The following REV3L variants were observed in gnomAD, a reference collection of about 807,000 sequenced individuals.
REV3L encodes the protein REV3 like, DNA directed polymerase zeta catalytic subunit.
A neutral mutation model predicts 299.4 loss-of-function variants in REV3L; 69 were observed. That is an observed-to-expected ratio of 0.23 (90% CI 0.19 to 0.28). REV3L has a LOEUF of 0.28. Ranked by LOEUF, REV3L falls within the 10% of genes least tolerant of loss-of-function variation. The pLI is 1.00. For missense variants in REV3L, 3,128 were observed against 3,693.8 expected, an observed-to-expected ratio of 0.85 and a Z score of 3.97; for synonymous variants, 1,238 against 1,271.4, an observed-to-expected ratio of 0.97 and a Z score of 0.56.
chr6:111,435,023 G>A (rs1177904396), intron 1 of REV3L, among the ~76,000 whole-genome samples: 1 of 152,118 alleles, frequency 6.6e-6, no homozygotes, highest in Non-Finnish European at 1.5e-5. Context: ...TGGGCAACAT[G>A]GTGAAACCCT....
Position 111,375,868 on chromosome 6 carries a change from C to A in REV3L, c.2487G>T (p.Arg829=). The A allele has an allele frequency of 3.1e-6, 5 of 1,613,864 alleles. No homozygotes were observed. Among genetic ancestry groups the A allele is most frequent in the Non-Finnish European group, 4.2e-6 (5 of 1,179,870 alleles). ...CAAGTTTCCTTTTATTCAATTTTAA[C>A]CGGGATGGTTTATTGCCAGGTTGTA... ...YKLQPGNKPS[R]LKLNKRKLAG... Residue 829 remains arginine (R), a synonymous_variant, in exon 13 of 32, where the codon CGG becomes CGT. Transcript: ENST00000368802.
At chr6:111,452,894 T>C (rs149621977) in intron 1 of REV3L, among the ~76,000 whole-genome samples, 3 of 151,986 alleles carry the variant, frequency 2.0e-5, no homozygotes, top group East Asian at 3.9e-4. Context: ...TGACAGAAAA[T>C]AGCAATAGGT....
chr6:111,408,923 G>A (rs1028677539), intron 3 of REV3L, among the ~76,000 whole-genome samples: 1 of 152,084 alleles, frequency 6.6e-6, no homozygotes, highest in Non-Finnish European at 1.5e-5. Context: ...GACCTCACGT[G>A]ATCTACCCAC....
chr6:111,307,843 T>A (rs1772502323), intron 30 of REV3L: 2 of 388,648 alleles, frequency 5.1e-6, no homozygotes, highest in Non-Finnish European at 9.5e-6. Flanking sequence ...TGTGCAGGTT[T>A]GTTACATATG....
At chr6:111,449,862 G>GA (rs140900943) in intron 1 of REV3L, among the ~76,000 whole-genome samples, 16,391 of 151,986 alleles carry the variant, frequency 0.11, 1,169 homozygotes, top group Middle Eastern at 0.22. Flanking sequence ...CCATTATGAG[G>GA]AAAAAAATGT....
intron 4 of REV3L, among the ~76,000 whole-genome samples, chr6:111,399,905 T>C (rs893302639): frequency 2.0e-5 from 3 of 152,142 alleles, no homozygotes; most frequent in Non-Finnish European, 2.9e-5. Flanking sequence ...CCCCTGTACA[T>C]CCCCTTTGCA....
chr6:111,344,060 G>A lies in REV3L; in HGVS notation c.7420-17C>T, dbSNP rs759767202. On this transcript the variant is annotated splice_polypyrimidine_tract_variant and intron_variant, in intron 20 of 31. Coordinates refer to ENST00000368802, the MANE Select transcript of REV3L (RefSeq NM_001372078.1). ...TAGAGCCACCTAAAAAAAAAGGCAA[G>A]ACACCATTATAATAATGCTTACATT... 1 of 1,521,034 alleles carries A rather than the reference G, an allele frequency of 6.6e-7. No homozygotes were observed. Among genetic ancestry groups the A allele is most frequent in the South Asian group, 1.2e-5 (1 of 84,650 alleles). 94.2% of individuals were successfully genotyped at this position (1,521,034 alleles called of 1,614,324 possible).
chr6:111,301,572 G>T (rs1159225549), intron 31 of REV3L, among the ~76,000 whole-genome samples: 2 of 151,696 alleles, frequency 1.3e-5, no homozygotes, highest in Non-Finnish European at 2.9e-5. Flanking sequence ...TCTTAACCCT[G>T]GCTAACAATG....
intron 10 of REV3L, among the ~76,000 whole-genome samples, chr6:111,380,945 T>C (rs1399253779): frequency 1.3e-5 from 2 of 152,214 alleles, no homozygotes; most frequent in African/African-American, 4.8e-5. Context: ...GCTGGGACCA[T>C]GGCCCTAGCC....
At chr6:111,313,538 A>G in intron 27 of REV3L, 49 bp from the exon 28 acceptor site, 3 of 1,529,074 alleles carry the variant, frequency 2.0e-6, no homozygotes, top group Admixed American at 2.1e-5. Context: ...TCCCCCCACC[A>G]AGAATGTTTT....
At chr6:111,371,527 A>G (rs1779791156) in intron 13 of REV3L, among the ~76,000 whole-genome samples, 1 of 149,888 alleles carries the variant, frequency 6.7e-6, no homozygotes, top group South Asian at 2.1e-4. Flanking sequence ...AGTAGCTGGG[A>G]CCACAGGTGC....
intron 1 of REV3L, among the ~76,000 whole-genome samples, chr6:111,424,697 T>C (rs774309451): frequency 1.7e-4 from 26 of 152,184 alleles, no homozygotes; most frequent in African/African-American, 5.1e-4. Flanking sequence ...ACTGCCACTA[T>C]TGGACTTGTC....
At chr6:111,447,859 AAACTT>A (rs1789038158) in intron 1 of REV3L, among the ~76,000 whole-genome samples, 1 of 152,170 alleles carries the variant, frequency 6.6e-6, no homozygotes, top group Non-Finnish European at 1.5e-5. Context: ...AATAAGCAAA[AAACTT>A]AACCAAATGT....
At chr6:111,364,393 A>G (rs1778999197) in intron 15 of REV3L, among the ~76,000 whole-genome samples, 2 of 152,122 alleles carry the variant, frequency 1.3e-5, no homozygotes, top group African/African-American at 4.8e-5. Flanking sequence ...TTACTCTAAT[A>G]TAACATGTGT....
In REV3L at chr6:111,299,607, T is replaced by C. The variant is rs1771253594; in HGVS notation, c.*409A>G. On this transcript the variant is annotated 3_prime_UTR_variant, in exon 32 of 32. Transcript: ENST00000368802. The stretch of plus-strand genomic sequence containing the variant: ...TTACAAAATATTTTGCAGTCAAAAT[T>C]ATAAAGTGAATGGATATCTCGAAGT... The C allele has an allele frequency of 6.5e-6, 1 of 153,378 alleles. No individual in the cohort carries two copies. Among genetic ancestry groups the C allele is most frequent in the African/African-American group, 2.4e-5 (1 of 41,492 alleles). The allele number at this position is 153,378 out of a possible 1,614,324, so 9.5% of individuals were successfully genotyped here.
chr6:111,446,676 G>A (rs1788883818), intron 1 of REV3L, among the ~76,000 whole-genome samples: 1 of 151,214 alleles, frequency 6.6e-6, no homozygotes, highest in African/African-American at 2.4e-5. Flanking sequence ...ACTCCAGCAT[G>A]AGCGACGGAG....
rs945786576 is a variant in REV3L at position 111,333,128 on chromosome 6, C to T, written c.7920G>A (p.Leu2640=). The change falls in exon 23 of 32, where the codon TTG becomes TTA. Residue 2640 remains leucine (L), a synonymous_variant. Coordinates refer to ENST00000368802, the MANE Select transcript of REV3L (RefSeq NM_001372078.1). ...FSTCLGHVEN[L]GKYDEFKFGC... ...AAATGTGAAAAAAACCTTACTTTCC[C>T]AAGTTCTCCACATGGCCAAGGCAGG... The T allele has an allele frequency of 1.2e-6, 2 of 1,612,970 alleles. No individual in the cohort carries two copies. The highest frequency in any genetic ancestry group is 2.7e-5 in the African/African-American group (2 of 74,828).
At chr6:111,467,702 AC>A (rs1791674384) in intron 1 of REV3L, among the ~76,000 whole-genome samples, 1 of 152,256 alleles carries the variant, frequency 6.6e-6, no homozygotes, top group African/African-American at 2.4e-5. Context: ...AATTTGAAGT[AC>A]TATATAGGAG....
At chr6:111,368,207 C>T (rs947612004) in intron 13 of REV3L, among the ~76,000 whole-genome samples, 179 bp from the exon 14 acceptor site, 2 of 152,150 alleles carry the variant, frequency 1.3e-5, no homozygotes, top group African/African-American at 4.8e-5. Context: ...CTTTTCCTCA[C>T]AGGTATATGA....
Sources: gnomAD v4.1 joint callset for allele counts (sites outside exome capture counted in the v4.1 genomes callset) on GRCh38, gnomAD v4.1.1 for gene constraint, MANE v1.5 for transcripts, NCBI Gene and HGNC (gene_info 2026-07-23, HGNC 2026-07-21) for gene names.